KCNMA1: variants seen among roughly 807,000 people sequenced by gnomAD.
The protein encoded by KCNMA1 is Calcium-activated potassium channel subunit alpha-1.
Under a neutral mutation model 140.0 loss-of-function variants are expected in KCNMA1, and 29 were observed. That is an observed-to-expected ratio of 0.21 (90% CI 0.15 to 0.28). The LOEUF is 0.28. Among genes scored for constraint, KCNMA1 ranks in the 10% least tolerant of loss-of-function variants. The pLI is 1.00. For missense variants in KCNMA1, 880 were observed against 1,602.2 expected (o/e 0.55, Z 7.70); for synonymous variants, 612 against 611.9 (o/e 1.00, Z 0.00).
intron 2 of KCNMA1, among the ~76,000 whole-genome samples, chr10:77,395,748 A>T (rs2096025637): frequency 6.6e-6 from 1 of 152,168 alleles, no homozygotes; most frequent in Admixed American, 6.5e-5. Context: ...AGTCTAACCA[A>T]CTGTCAGCAA....
chr10:76,982,408 C>G (rs1169149431), intron 19 of KCNMA1, among the ~76,000 whole-genome samples: 3 of 151,852 alleles, frequency 2.0e-5, no homozygotes, highest in Admixed American at 2.0e-4. Flanking sequence ...CCGTATATCC[C>G]CAGATGGAGC....
intron 1 of KCNMA1, among the ~76,000 whole-genome samples, chr10:77,532,231 G>C (rs902425824): frequency 1.3e-5 from 2 of 152,196 alleles, no homozygotes; most frequent in East Asian, 1.9e-4. Context: ...CGTGTGTCAC[G>C]CAATATGCCA....
intron 16 of KCNMA1, among the ~76,000 whole-genome samples, chr10:77,025,855 C>T (rs1193464494): frequency 1.3e-5 from 2 of 151,970 alleles, no homozygotes; most frequent in African/African-American, 4.8e-5. Context: ...TCCACATTCC[C>T]TCAAACACAC....
At chr10:77,001,614 G>C in intron 18 of KCNMA1, 34 bp from the exon 19 acceptor site, 31 of 1,522,374 alleles carry the variant, frequency 2.0e-5, no homozygotes, top group Non-Finnish European at 2.5e-5. Context: ...AGGAGAGGAA[G>C]AGCGGCAATT....
chr10:77,532,044 A>G lies in KCNMA1; in HGVS notation c.378+105221T>C, dbSNP rs370170848. ...CCATATGAATTCAACAACAACAAAG[A>G]AAAATGAAGAGGAAAACTACCCAGC... On this transcript the variant is annotated intron_variant, in intron 1 of 27. Coordinates refer to ENST00000286628, the MANE Select transcript of KCNMA1 (RefSeq NM_001161352.2). 3.7e-4 allele frequency among the ~76,000 whole-genome samples: 56 copies of G among 152,338 alleles called. No homozygotes were observed. The East Asian group carries it at 7.1e-3, about 19-fold the overall frequency.
chr10:77,090,367 G>A (rs199921585), intron 10 of KCNMA1, 33 bp downstream of exon 10: 46 of 1,382,166 alleles, frequency 3.3e-5, no homozygotes, highest in Non-Finnish European at 4.7e-5. Context: ...GTGTGGTTGG[G>A]CAGAGGGTCT....
intron 5 of KCNMA1, among the ~76,000 whole-genome samples, chr10:77,142,284 T>A (rs922717998): frequency 6.7e-6 from 1 of 149,296 alleles, no homozygotes; most frequent in African/African-American, 2.5e-5. Context: ...GGCAGGAGAA[T>A]GGCATGAACC....
chr10:77,300,871 T>A (rs1391293956), intron 2 of KCNMA1, among the ~76,000 whole-genome samples: 1 of 152,150 alleles, frequency 6.6e-6, no homozygotes, highest in Non-Finnish European at 1.5e-5. Flanking sequence ...TTAGGGAGCA[T>A]CCAACAAGTG....
chr10:77,280,275 C>T (rs570755478), intron 2 of KCNMA1, among the ~76,000 whole-genome samples: 9 of 152,294 alleles, frequency 5.9e-5, no homozygotes, highest in South Asian at 2.1e-4. Context: ...CTCCAGAGAA[C>T]GCCACTCTTG....
intron 18 of KCNMA1, among the ~76,000 whole-genome samples, chr10:77,004,011 T>C (rs1184811377): frequency 6.6e-6 from 1 of 152,134 alleles, no homozygotes; most frequent in Admixed American, 6.6e-5. Context: ...ATTGTTAGCA[T>C]GCAGGAACAG....
chr10:76,879,730 C>A (rs2033819502), intron 29 of KCNMA1, among the ~76,000 whole-genome samples: 1 of 152,162 alleles, frequency 6.6e-6, no homozygotes, highest in Non-Finnish European at 1.5e-5. Context: ...AAAATAATTT[C>A]AGCTCCATTT....
chr10:77,235,636 G>A (rs918958546), intron 3 of KCNMA1, among the ~76,000 whole-genome samples: 1 of 152,186 alleles, frequency 6.6e-6, no homozygotes, highest in Non-Finnish European at 1.5e-5. Flanking sequence ...ATGCAGAGGA[G>A]CCAAGGGAAG....
intron 23 of KCNMA1, among the ~76,000 whole-genome samples, chr10:76,940,383 T>C (rs1321979035): frequency 6.6e-6 from 1 of 152,220 alleles, no homozygotes; most frequent in Admixed American, 6.5e-5. Flanking sequence ...TAACATGCAG[T>C]GGCAGCTGTC....
chr10:77,439,768 C>A (rs1254959589), intron 1 of KCNMA1, among the ~76,000 whole-genome samples: 1 of 152,146 alleles, frequency 6.6e-6, no homozygotes, highest in Non-Finnish European at 1.5e-5. Context: ...TGTCTTTTAG[C>A]TGCATTCGTG....
At chr10:77,222,913 T>C (rs2050142320) in intron 3 of KCNMA1, among the ~76,000 whole-genome samples, 1 of 152,184 alleles carries the variant, frequency 6.6e-6, no homozygotes. Flanking sequence ...AATCATTATA[T>C]CATTTCTCTT....
chr10:77,475,447 C>T (rs2098258742), intron 1 of KCNMA1, among the ~76,000 whole-genome samples: 1 of 152,150 alleles, frequency 6.6e-6, no homozygotes, highest in Admixed American at 6.5e-5. Flanking sequence ...TCGTAACTTG[C>T]ATCTCCCAAA....
intron 25 of KCNMA1, among the ~76,000 whole-genome samples, chr10:76,909,239 G>A (rs2049058426): frequency 6.6e-6 from 1 of 152,030 alleles, no homozygotes; most frequent in Non-Finnish European, 1.5e-5. Flanking sequence ...TAATTGTACT[G>A]CCCAATACCA....
At chr10:77,293,121 TG>T (rs1183603640) in intron 2 of KCNMA1, among the ~76,000 whole-genome samples, 1 of 152,208 alleles carries the variant, frequency 6.6e-6, no homozygotes, top group African/African-American at 2.4e-5. Flanking sequence ...GAAGCCAATG[TG>T]GCCAATGCAT....
chr10:77,597,457 G>A (rs1346921666), intron 1 of KCNMA1, among the ~76,000 whole-genome samples: 1 of 152,000 alleles, frequency 6.6e-6, no homozygotes, highest in Admixed American at 6.6e-5. Flanking sequence ...TTCCACACAT[G>A]TAACAAATAT....
Sources: allele counts gnomAD v4.1 joint callset (sites outside exome capture counted in the v4.1 genomes callset), GRCh38; gene constraint gnomAD v4.1.1; transcripts MANE v1.5; gene names NCBI Gene and HGNC (gene_info 2026-07-23, HGNC 2026-07-21).